Variants in TXNL4A observed in about 807,000 individuals in gnomAD.
TXNL4A encodes the protein thioredoxin like 4A, also known as thioredoxin-like protein 4A.
TXNL4A carries 17 observed loss-of-function variants against 14.6 expected under a neutral mutation model. The ratio of observed to expected loss-of-function variants is 1.16; its 90% CI spans 0.80 to 1.74. The LOEUF (loss-of-function observed/expected upper bound fraction) is 1.74. Among genes scored for constraint, TXNL4A ranks in the 40% most tolerant of loss-of-function variants. TXNL4A has a pLI of 0.00. For missense variants in TXNL4A, 74 were observed against 195.2 expected (o/e 0.38, Z 3.70); for synonymous variants, 83 against 70.6 (o/e 1.18, Z -0.88).
rs1010725902 is a variant in TXNL4A at position 79,972,072 on chromosome 18, T to G, written c.*1613A>C. On this transcript the variant is annotated 3_prime_UTR_variant, in exon 3 of 3. Transcript: ENST00000269601. Reference sequence around the variant, plus strand: ...AAAGCACACACTCATTTGTACTGTATGTAAAAAATGTGCTTCATTCTGTAA... The same window carrying G: ...AAAGCACACACTCATTTGTACTGTAGGTAAAAAATGTGCTTCATTCTGTAA... 6.6e-6 allele frequency: 1 copy of G among 152,240 alleles called. No homozygotes were observed. Among genetic ancestry groups the G allele is most frequent in the Non-Finnish European group, 1.5e-5 (1 of 68,056 alleles). 9.4% of individuals were successfully genotyped at this position (152,240 alleles called of 1,614,324 possible). A position where few individuals can be genotyped will look rare whatever the true frequency, so the allele number is the denominator to read the frequency against.
intron 1 of TXNL4A, among the ~76,000 whole-genome samples, chr18:79,980,774 A>G (rs1249099775): frequency 6.6e-6 from 1 of 151,598 alleles, no homozygotes; most frequent in Non-Finnish European, 1.5e-5. Flanking sequence ...CCACTGCAGG[A>G]GCATGCAACT....
At chr18:80,033,108 A>C (rs2051934588) in intron 1 of TXNL4A, among the ~76,000 whole-genome samples, 1 of 152,214 alleles carries the variant, frequency 6.6e-6, no homozygotes, top group Non-Finnish European at 1.5e-5. Context: ...TAACTTTGGC[A>C]AATAAATCTC....
chr18:79,977,029 C>T (rs1028648142), intron 2 of TXNL4A, among the ~76,000 whole-genome samples: 12 of 151,948 alleles, frequency 7.9e-5, no homozygotes, highest in Admixed American at 5.2e-4. Context: ...GGCATGATCT[C>T]GGCTAACTGC....
At chr18:79,999,306 C>T (rs112424411) in intron 1 of TXNL4A, among the ~76,000 whole-genome samples, 17,215 of 152,006 alleles carry the variant, frequency 0.11, 1,227 homozygotes, top group East Asian at 0.29. Context: ...GAGGCCGAGG[C>T]GGGCGGATCA....
At chr18:80,012,194 C>T (rs189553672) in intron 1 of TXNL4A, among the ~76,000 whole-genome samples, 4 of 152,230 alleles carry the variant, frequency 2.6e-5, no homozygotes, top group African/African-American at 7.2e-5. Context: ...AAGGGGACAC[C>T]GCCAAACCAA....
At position 79,978,063 on chromosome 18, in the gene TXNL4A, G is replaced by A. The variant is rs7227848; in HGVS notation, c.154-362C>T. The A allele has an allele frequency of 4.5e-3, 818 of 179,986 alleles. 7 individuals are homozygous for A. The highest frequency in any genetic ancestry group is 0.018 in the African/African-American group (756 of 42,592). The allele number at this position is 179,986 out of a possible 1,614,324, so 11.1% of individuals were successfully genotyped here. On this transcript the variant is annotated intron_variant, in intron 1 of 2. Coordinates refer to ENST00000269601, the MANE Select transcript of TXNL4A (RefSeq NM_006701.5). ...TGACACTACTGGGACCTTGGCCACCGGCTCCTTCCGCCTCACGCCACCGTT... is the reference window on the plus strand; with the variant it reads ...TGACACTACTGGGACCTTGGCCACCAGCTCCTTCCGCCTCACGCCACCGTT...
intron 1 of TXNL4A, among the ~76,000 whole-genome samples, chr18:80,012,879 C>T (rs1328963081): frequency 6.6e-6 from 1 of 150,728 alleles, no homozygotes; most frequent in African/African-American, 2.4e-5. Flanking sequence ...TGCCCTTCCT[C>T]CTGGGAAACG....
At chr18:79,991,614 CAAGCTTTTGTGTGGACTT>C (rs2051628909), upstream of TXNL4A, among the ~76,000 whole-genome samples, 1 of 152,178 alleles carries the variant, frequency 6.6e-6, no homozygotes, top group Non-Finnish European at 1.5e-5. Flanking sequence ...CATTCATGTA[CAAGCTTTTGTGTGGACTT>C]AAGTTTTCAT....
At chr18:79,983,699 T>C (rs1436858295) in intron 1 of TXNL4A, among the ~76,000 whole-genome samples, 1 of 152,254 alleles carries the variant, frequency 6.6e-6, no homozygotes, top group African/African-American at 2.4e-5. Context: ...ATGTTTGCCT[T>C]AATCAGCTCT....
chr18:79,990,181 T>A (rs890578275), upstream of TXNL4A, among the ~76,000 whole-genome samples: 2 of 152,204 alleles, frequency 1.3e-5, no homozygotes, highest in African/African-American at 4.8e-5. Context: ...AATACTAGAA[T>A]CACAAGTGCA....
intron 1 of TXNL4A, among the ~76,000 whole-genome samples, chr18:79,985,064 G>A (rs548653950): frequency 6.7e-6 from 1 of 149,276 alleles, no homozygotes; most frequent in Non-Finnish European, 1.5e-5. Flanking sequence ...CTCCTGTGAC[G>A]GTGTTCCTAC....
At chr18:79,977,462 T>C in intron 2 of TXNL4A, 136 bp downstream of exon 2, 2 of 690,774 alleles carry the variant, frequency 2.9e-6, no homozygotes, top group Non-Finnish European at 5.1e-6. Flanking sequence ...ACTGATTGCC[T>C]GGTGATACAA....
At chr18:80,033,461 G>A (rs2051939729) in intron 1 of TXNL4A, among the ~76,000 whole-genome samples, 1 of 152,226 alleles carries the variant, frequency 6.6e-6, no homozygotes, top group South Asian at 2.1e-4. Context: ...GGCGGGGCGA[G>A]ACCACTTCTG....
At chr18:80,007,926 G>A (rs1316051666) in intron 1 of TXNL4A, among the ~76,000 whole-genome samples, 1 of 152,090 alleles carries the variant, frequency 6.6e-6, no homozygotes, top group African/African-American at 2.4e-5. Context: ...CCTGTCCAAT[G>A]GTCACCAGAT....
chr18:79,998,031 G>A (rs1315783327), intron 1 of TXNL4A, among the ~76,000 whole-genome samples: 1 of 152,072 alleles, frequency 6.6e-6, no homozygotes. Context: ...CGGTGGCTCA[G>A]GCCTGTAATC....
At chr18:79,975,105 G>A (rs184109443) in intron 2 of TXNL4A, among the ~76,000 whole-genome samples, 9 of 152,256 alleles carry the variant, frequency 5.9e-5, no homozygotes, top group South Asian at 2.1e-4. Context: ...GGGGCTGCCC[G>A]TAGCACCCTC....
At chr18:80,030,861 G>A (rs2051916402) in intron 1 of TXNL4A, among the ~76,000 whole-genome samples, 1 of 152,136 alleles carries the variant, frequency 6.6e-6, no homozygotes, top group African/African-American at 2.4e-5. Context: ...CAGCTACTTG[G>A]CAGGCTGAGG....
chr18:80,006,636 G>A (rs964383640), intron 1 of TXNL4A, among the ~76,000 whole-genome samples: 3 of 152,196 alleles, frequency 2.0e-5, no homozygotes, highest in African/African-American at 7.2e-5. Context: ...CCTGAGGTTT[G>A]TTGCCTCATG....
chr18:80,013,596 G>A (rs12965486), intron 1 of TXNL4A, among the ~76,000 whole-genome samples: 70,217 of 151,924 alleles, frequency 0.46, 17,018 homozygotes, highest in East Asian at 0.75. Context: ...CACCACGCCC[G>A]GCTAATTTTT....
Sources: allele counts gnomAD v4.1 joint callset (sites outside exome capture counted in the v4.1 genomes callset), GRCh38; gene constraint gnomAD v4.1.1; transcripts MANE v1.5; gene names NCBI Gene and HGNC (gene_info 2026-07-23, HGNC 2026-07-21).